SCN11A: variants seen among roughly 807,000 people sequenced by gnomAD.
The protein encoded by SCN11A is sodium channel protein type 11 subunit alpha.
SCN11A carries 122 observed loss-of-function variants against 162.2 expected under a neutral mutation model. That is an observed-to-expected ratio of 0.75 (90% CI 0.65 to 0.87). The LOEUF (loss-of-function observed/expected upper bound fraction) is 0.87. Ranked by LOEUF, SCN11A falls within the 40% of genes least tolerant of loss-of-function variation. The pLI is 0.00. For missense variants in SCN11A, 2,015 were observed against 2,181.6 expected, an observed-to-expected ratio of 0.92 and a Z score of 1.52; for synonymous variants, 758 against 751.5, an observed-to-expected ratio of 1.01 and a Z score of -0.14.
In SCN11A at chr3:38,950,078, C is replaced by CCCCCCCCCCCCCCCCCCCCACCCCCCG. The variant is rs1553644472; in HGVS notation, c.267+17_267+18insCGGGGGGTGGGGGGGGGGGGGGGGGGG. The CCCCCCCCCCCCCCCCCCCCACCCCCCG allele has an allele frequency of 1.4e-5, 2 of 139,974 alleles. No individual in the cohort carries two copies. Among genetic ancestry groups the CCCCCCCCCCCCCCCCCCCCACCCCCCG allele is most frequent in the African/African-American group, 7.2e-5 (2 of 27,720 alleles). The allele number at this position is 139,974 out of a possible 1,614,324, so 8.7% of individuals were successfully genotyped here. On this transcript the variant is annotated intron_variant, in intron 5 of 29. Transcript: ENST00000302328. ...GAACACCCCCACCCCCACCCCCCCC[C>CCCCCCCCCCCCCCCCCCCCACCCCCCG]CCCGCCCAATGAAGTACCTTATGAT...
intron 28 of SCN11A, among the ~76,000 whole-genome samples, chr3:38,854,973 C>A (rs187346488): frequency 6.6e-6 from 1 of 152,196 alleles, no homozygotes; most frequent in African/African-American, 2.4e-5. Flanking sequence ...GTGATAATTT[C>A]GACTGGGCAC....
At chr3:38,976,209 AT>A (rs1380034769) in intron 2 of SCN11A, among the ~76,000 whole-genome samples, 3 of 152,212 alleles carry the variant, frequency 2.0e-5, no homozygotes, top group African/African-American at 7.2e-5. Flanking sequence ...ATGAGACACA[AT>A]TAAAATATAA....
At chr3:38,921,365 A>AGTCCAGTTCC in intron 9 of SCN11A, 110 bp from the exon 10 acceptor site, 1 of 977,402 alleles carries the variant, frequency 1.0e-6, no homozygotes, top group Non-Finnish European at 1.5e-6. Flanking sequence ...TGCAGGCTGG[A>AGTCCAGTTCC]ACTGGACTCC....
chr3:38,995,768 A>T (rs2030606948), intron 2 of SCN11A, among the ~76,000 whole-genome samples: 1 of 145,500 alleles, frequency 6.9e-6, no homozygotes, highest in South Asian at 2.1e-4. Context: ...CAGCCTCCAT[A>T]ATAATGTGAG....
rs189186413 is a variant in SCN11A at position 39,038,953 on chromosome 3, A to G, written c.-403-6450T>C. On this transcript the variant is annotated intron_variant, in intron 1 of 29. Transcript: ENST00000302328. ...CTACTAGCGATTCCATGTTCCTTTT[A>G]CTTTCAGCCAATACCTTCATTTCTA... Among the ~76,000 whole-genome samples the G allele has an allele frequency of 1.8e-4, 28 of 152,286 alleles. No homozygotes were observed. In the East Asian group the frequency reaches 3.3e-3, roughly 18 times the overall value.
rs372120454 is a variant in SCN11A, at chr3:38,889,802, A to AAAAATAAAATAAAATAAAAT, written c.2836-3584_2836-3565dup. On this transcript the variant is annotated intron_variant, in intron 19 of 29. Transcript: ENST00000302328. The stretch of plus-strand genomic sequence containing the variant: ...GCGACAGAGCGAGACTCCATCTCAA[A>AAAAATAAAATAAAATAAAAT]AAAATAAAATAAAATAAAATAAAAT... 9.9e-5 allele frequency among the ~76,000 whole-genome samples: 13 copies of AAAAATAAAATAAAATAAAAT among 130,968 alleles called. No homozygotes were observed. The East Asian group carries it at 1.6e-3, about 16-fold the overall frequency. The allele number at this position is 130,968 out of a possible 152,430, so 85.9% of individuals were successfully genotyped here. A position where few individuals can be genotyped will look rare whatever the true frequency, so the allele number is the denominator to read the frequency against.
At chr3:38,973,906 T>G (rs2066832155) in intron 2 of SCN11A, among the ~76,000 whole-genome samples, 1 of 152,310 alleles carries the variant, frequency 6.6e-6, no homozygotes, top group South Asian at 2.1e-4. Flanking sequence ...AAATCTCTCT[T>G]TAGAAGGAGG....
chr3:38,882,726 A>G (rs747014300), intron 22 of SCN11A, among the ~76,000 whole-genome samples: 8 of 152,180 alleles, frequency 5.3e-5, no homozygotes, highest in Admixed American at 2.0e-4. Context: ...CACTTTGACC[A>G]TGCATATAAA....
chr3:38,853,771 T>C (rs966004999), intron 28 of SCN11A, among the ~76,000 whole-genome samples: 6 of 152,226 alleles, frequency 3.9e-5, no homozygotes, highest in Non-Finnish European at 8.8e-5. Flanking sequence ...CTGCTTTCCC[T>C]GACTTTTCAG....
intron 23 of SCN11A, among the ~76,000 whole-genome samples, chr3:38,875,464 T>C (rs1487634831): frequency 1.3e-5 from 2 of 151,898 alleles, no homozygotes; most frequent in Non-Finnish European, 2.9e-5. Flanking sequence ...AATCCTAGAG[T>C]CATCCAAAAA....
chr3:38,855,263 T>G (rs2066177622), intron 28 of SCN11A, among the ~76,000 whole-genome samples: 1 of 152,188 alleles, frequency 6.6e-6, no homozygotes, highest in Non-Finnish European at 1.5e-5. Flanking sequence ...CCCCCACTTC[T>G]CTGGTGATCT....
intron 7 of SCN11A, among the ~76,000 whole-genome samples, chr3:38,930,276 A>G: frequency 6.6e-6 from 1 of 152,232 alleles, no homozygotes; most frequent in East Asian, 1.9e-4. Flanking sequence ...AGCCAAGTCC[A>G]AGAGCAGAAA....
Position 38,908,071 on chromosome 3 carries a change from A to G in SCN11A, c.1351T>C (p.Ser451Pro). Reference sequence around the variant, plus strand: ...TTTCTCTTTTTTGGGGTAAAATATGATGTTTCAAGGGAAGTAAGTGAACTT... The same window carrying G: ...TTTCTCTTTTTTGGGGTAAAATATGGTGTTTCAAGGGAAGTAAGTGAACTT... ...DRSSLTSLETSYFTPKKRKLF... is the reference protein window; with the variant it reads ...DRSSLTSLETPYFTPKKRKLF... The change falls in exon 14 of 30, where the codon TCA becomes CCA. Residue 451 changes from serine to proline, a missense_variant. Transcript: ENST00000302328. 1.2e-6 allele frequency: 2 copies of G among 1,613,194 alleles called. No homozygotes were observed. Among genetic ancestry groups the G allele is most frequent in the Non-Finnish European group, 1.7e-6 (2 of 1,179,818 alleles).
At chr3:38,951,269 C>G (rs922153413) in intron 4 of SCN11A, among the ~76,000 whole-genome samples, 3 of 152,330 alleles carry the variant, frequency 2.0e-5, no homozygotes, top group Admixed American at 6.5e-5. Context: ...CCTGCCGGCC[C>G]GGGCAGTGAG....
chr3:38,992,363 G>A (rs1202350730), intron 2 of SCN11A, among the ~76,000 whole-genome samples: 1 of 152,132 alleles, frequency 6.6e-6, no homozygotes, highest in African/African-American at 2.4e-5. Flanking sequence ...CCTCAAGAAT[G>A]GTCTGTGCTT....
chr3:38,953,528 A>G (rs543424228), intron 4 of SCN11A, among the ~76,000 whole-genome samples, 101 bp downstream of exon 4: 1 of 152,164 alleles, frequency 6.6e-6, no homozygotes, highest in South Asian at 2.1e-4. Flanking sequence ...AGCAAATCAA[A>G]TTACAGGGGA....
At chr3:38,874,888 T>G (rs1196257099) in intron 23 of SCN11A, among the ~76,000 whole-genome samples, 1 of 152,196 alleles carries the variant, frequency 6.6e-6, no homozygotes, top group Non-Finnish European at 1.5e-5. Context: ...TTTACTACAT[T>G]TTGATGTAGT....
Position 38,846,521 on chromosome 3 carries a change from TGTAA to T in SCN11A, c.*169_*172del. On this transcript the variant is annotated 3_prime_UTR_variant, in exon 30 of 30. Transcript: ENST00000302328. Reference sequence around the variant, plus strand: ...GTCAAGTAGCCTTATCTTATATCTCTGTAAGTATTATTTAAAATGAAATTGAAAT... The same window carrying T: ...GTCAAGTAGCCTTATCTTATATCTCTGTATTATTTAAAATGAAATTGAAAT... The T allele has an allele frequency of 6.6e-6, 4 of 605,208 alleles. No individual in the cohort carries two copies. Among genetic ancestry groups the T allele is most frequent in the South Asian group, 4.2e-5 (2 of 47,946 alleles). The allele number at this position is 605,208 out of a possible 1,614,324, so 37.5% of individuals were successfully genotyped here. A position where few individuals can be genotyped will look rare whatever the true frequency, so the allele number is the denominator to read the frequency against.
Position 38,945,398 on chromosome 3 carries a change from GA to G in SCN11A, c.488+12del. Reference sequence around the variant, plus strand: ...AAAAACTTAGGACAGGTGAGTGAAGGAAAAATACTTACTCTGCAATGTCAGT... The same window carrying G: ...AAAAACTTAGGACAGGTGAGTGAAGGAAAATACTTACTCTGCAATGTCAGT... On this transcript the variant is annotated intron_variant, in intron 7 of 29. Coordinates refer to ENST00000302328, the MANE Select transcript of SCN11A (RefSeq NM_001349253.2). 1 of 1,583,332 alleles carries G rather than the reference GA, an allele frequency of 6.3e-7. No homozygotes were observed. The highest frequency in any genetic ancestry group is 8.7e-7 in the Non-Finnish European group (1 of 1,153,772).
Sources: allele counts gnomAD v4.1 joint callset (sites outside exome capture counted in the v4.1 genomes callset), GRCh38; gene constraint gnomAD v4.1.1; transcripts MANE v1.5; gene names NCBI Gene and HGNC (gene_info 2026-07-23, HGNC 2026-07-21).